Variants in ENAH observed in about 807,000 individuals in gnomAD.
ENAH encodes the protein protein enabled homolog.
ENAH carries 23 observed loss-of-function variants against 78.7 expected under a neutral mutation model. That is an observed-to-expected ratio of 0.29 (90% CI 0.21 to 0.41). The LOEUF is 0.41. Among genes scored for constraint, ENAH ranks in the 10% least tolerant of loss-of-function variants. ENAH has a pLI of 1.00. For missense variants in ENAH, 544 were observed against 691.0 expected (o/e 0.79, Z 2.39); for synonymous variants, 226 against 241.0 (o/e 0.94, Z 0.58).
At chr1:225,568,069 G>A (rs1283942199) in intron 1 of ENAH, among the ~76,000 whole-genome samples, 1 of 152,076 alleles carries the variant, frequency 6.6e-6, no homozygotes, top group African/African-American at 2.4e-5. Flanking sequence ...ATTTAAAAAT[G>A]AAAATGTAAA....
At chr1:225,542,553 T>G (rs904708273) in intron 3 of ENAH, among the ~76,000 whole-genome samples, 3 of 152,222 alleles carry the variant, frequency 2.0e-5, no homozygotes, top group African/African-American at 7.2e-5. Flanking sequence ...AAGAAGCTGC[T>G]TACCAAGAAG....
At chr1:225,606,011 T>G in intron 1 of ENAH, among the ~76,000 whole-genome samples, 1 of 152,220 alleles carries the variant, frequency 6.6e-6, no homozygotes, top group East Asian at 1.9e-4. Context: ...ACTGAACATC[T>G]TAAAAACCTA....
intron 1 of ENAH, among the ~76,000 whole-genome samples, chr1:225,574,920 ATATATATATAT>A (rs1443854267): frequency 0.014 from 45 of 3,226 alleles, no homozygotes; most frequent in East Asian, 0.021. Flanking sequence ...AAAAAAAAAA[ATATATATATAT>A]AAAAAAAAAA....
intron 1 of ENAH, among the ~76,000 whole-genome samples, chr1:225,620,006 T>C (rs557261655): frequency 6.6e-6 from 1 of 152,282 alleles, no homozygotes; most frequent in African/African-American, 2.4e-5. Context: ...TTTAGCCTAA[T>C]AGTGTAACAC....
intron 3 of ENAH, among the ~76,000 whole-genome samples, chr1:225,531,976 G>C (rs1163679777): frequency 6.6e-6 from 1 of 151,730 alleles, no homozygotes; most frequent in Non-Finnish European, 1.5e-5. Flanking sequence ...CTAAGAGTCT[G>C]CTATTTTGAG....
chr1:225,642,133 A>G (rs535662255), intron 1 of ENAH, among the ~76,000 whole-genome samples: 1 of 151,666 alleles, frequency 6.6e-6, no homozygotes, highest in African/African-American at 2.4e-5. Flanking sequence ...CCCAGGAGGC[A>G]GAGGTTGCAG....
chr1:225,536,603 A>G (rs1049261639), intron 3 of ENAH, among the ~76,000 whole-genome samples: 2 of 152,050 alleles, frequency 1.3e-5, no homozygotes, highest in Non-Finnish European at 2.9e-5. Context: ...TAAGACTGTT[A>G]TTATTTAAAA....
Position 225,494,821 on chromosome 1 carries a change from A to G in ENAH, c.*2954T>C, listed in dbSNP as rs1303688065. 6.6e-6 allele frequency: 1 copy of G among 152,660 alleles called. No homozygotes were observed. Among genetic ancestry groups the G allele is most frequent in the Non-Finnish European group, 1.5e-5 (1 of 68,052 alleles). The allele number at this position is 152,660 out of a possible 1,614,324, so 9.5% of individuals were successfully genotyped here. ...TGTCACAAACAAGCAACATATATAT[A>G]CTGCAATTTTATTTCAATCGCACAA... On this transcript the variant is annotated 3_prime_UTR_variant, in exon 14 of 14. Transcript: ENST00000366843.
chr1:225,541,787 A>G (rs1370522625), intron 3 of ENAH, among the ~76,000 whole-genome samples: 1 of 152,214 alleles, frequency 6.6e-6, no homozygotes, highest in African/African-American at 2.4e-5. Flanking sequence ...CATCAGAAGA[A>G]CTTATTCTCA....
At position 225,634,611 on chromosome 1, in the gene ENAH, C is replaced by G. The variant is rs564118586; in HGVS notation, c.5+18075G>C. On this transcript the variant is annotated intron_variant, in intron 1 of 13. Transcript: ENST00000366843. Reference sequence around the variant, plus strand: ...GCACTGATGTTTTAAGAAAAAAACACTAAACTCTCTTTGAAAAGACCTGCG... The same window carrying G: ...GCACTGATGTTTTAAGAAAAAAACAGTAAACTCTCTTTGAAAAGACCTGCG... Among the ~76,000 whole-genome samples the G allele has an allele frequency of 3.3e-5, 5 of 152,274 alleles. No individual in the cohort carries two copies. The South Asian group carries it at 1.0e-3, about 32-fold the overall frequency.
At chr1:225,639,057 T>C (rs1660562276) in intron 1 of ENAH, among the ~76,000 whole-genome samples, 1 of 152,184 alleles carries the variant, frequency 6.6e-6, no homozygotes, top group Admixed American at 6.5e-5. Flanking sequence ...TTATTTCAAT[T>C]ACAAAGCAAC....
At position 225,491,879 on chromosome 1, in the gene ENAH, T is replaced by C. The variant is rs1455038602; in HGVS notation, c.*5896A>G. 1 of 152,206 alleles carries C rather than the reference T, an allele frequency of 6.6e-6. No homozygotes were observed. Among genetic ancestry groups the C allele is most frequent in the Non-Finnish European group, 1.5e-5 (1 of 68,038 alleles). 9.4% of individuals were successfully genotyped at this position (152,206 alleles called of 1,614,324 possible). A position where few individuals can be genotyped will look rare whatever the true frequency, so the allele number is the denominator to read the frequency against. ...CCATCTCCTTTATTAGTTATTTCTT[T>C]ATGCTTTTAGAATTGTCATCTACTG... On this transcript the variant is annotated 3_prime_UTR_variant, in exon 14 of 14. Transcript: ENST00000366843.
At chr1:225,517,724 G>C in intron 5 of ENAH, 1 of 1,551,236 alleles carries the variant, frequency 6.4e-7, no homozygotes, top group Non-Finnish European at 8.7e-7. Context: ...TTTTTGTTCA[G>C]AGGACGAGGA....
chr1:225,638,391 T>C (rs1279618625), intron 1 of ENAH, among the ~76,000 whole-genome samples: 1 of 152,168 alleles, frequency 6.6e-6, no homozygotes, highest in Non-Finnish European at 1.5e-5. Context: ...ACTCTTGGGC[T>C]CAACTGATCC....
In ENAH at chr1:225,519,563, T is replaced by C; in HGVS notation, c.437A>G (p.Gln146Arg). Residue 146 changes from glutamine to arginine, a missense_variant and splice_region_variant, in exon 5 of 14, where the codon CAA becomes CGA. This residue lies in a region of ENAH where 366 missense variants were observed against 396.1 expected (regional missense o/e 0.92). Coordinates refer to ENST00000366843, the MANE Select transcript of ENAH (RefSeq NM_018212.6). ...SQEELEIQRR[Q>R]LQEQQRQKEL... ...CTTTTGCCGTTGCTGTTCTTGTAGTTGTCTGGAAAAAAAAAAAAAAAAGTA... is the reference window on the plus strand; with the variant it reads ...CTTTTGCCGTTGCTGTTCTTGTAGTCGTCTGGAAAAAAAAAAAAAAAAGTA... 6.3e-7 allele frequency: 1 copy of C among 1,577,740 alleles called. No individual in the cohort carries two copies. Among genetic ancestry groups the C allele is most frequent in the Non-Finnish European group, 8.5e-7 (1 of 1,170,260 alleles).
intron 3 of ENAH, among the ~76,000 whole-genome samples, chr1:225,542,515 C>G (rs897083556): frequency 6.6e-6 from 1 of 152,202 alleles, no homozygotes; most frequent in Non-Finnish European, 1.5e-5. Flanking sequence ...CCTTCTCTAT[C>G]TCTCTGCGTG....
intron 10 of ENAH, among the ~76,000 whole-genome samples, chr1:225,508,772 C>T (rs2096354267): frequency 2.0e-5 from 3 of 152,178 alleles, no homozygotes; most frequent in Non-Finnish European, 4.4e-5. Flanking sequence ...GAAGTGGAAT[C>T]TTCTCATGGA....
intron 1 of ENAH, among the ~76,000 whole-genome samples, chr1:225,600,542 C>T (rs536615392): frequency 1.8e-4 from 28 of 152,206 alleles, no homozygotes; most frequent in South Asian, 6.2e-4. Context: ...CTAAAAGCAA[C>T]GACCTAAGTG....
intron 1 of ENAH, among the ~76,000 whole-genome samples, chr1:225,614,276 C>T (rs567050312): frequency 1.3e-5 from 2 of 152,246 alleles, no homozygotes; most frequent in African/African-American, 4.8e-5. Context: ...CAAGGATGGT[C>T]TCGAACTCCT....
Sources: allele counts gnomAD v4.1 joint callset (sites outside exome capture counted in the v4.1 genomes callset), GRCh38; gene constraint gnomAD v4.1.1; regional missense constraint gnomAD v4.1.1; transcripts MANE v1.5; gene names NCBI Gene and HGNC (gene_info 2026-07-23, HGNC 2026-07-21).